XPR1: variants seen among roughly 807,000 people sequenced by gnomAD.
XPR1 encodes xenotropic and polytropic retrovirus receptor 1, also known as solute carrier family 53 member 1.
XPR1 carries 28 observed loss-of-function variants against 87.5 expected under a neutral mutation model. That is an observed-to-expected ratio of 0.32 (90% CI 0.24 to 0.44). The LOEUF (loss-of-function observed/expected upper bound fraction) is 0.44, where lower values mean the gene tolerates loss of function less well. XPR1 is among the 20% of genes least tolerant of loss of function. The pLI, the probability that XPR1 is intolerant of heterozygous loss-of-function variation, is 1.00. For missense variants in XPR1, 559 were observed against 862.3 expected, an observed-to-expected ratio of 0.65 and a Z score of 4.41; for synonymous variants, 300 against 306.1, an observed-to-expected ratio of 0.98 and a Z score of 0.21.
At chr1:180,634,417 G>C (rs1654696475) in intron 1 of XPR1, among the ~76,000 whole-genome samples, 1 of 152,128 alleles carries the variant, frequency 6.6e-6, no homozygotes, top group Non-Finnish European at 1.5e-5. Flanking sequence ...ATCTTGTTTT[G>C]TGTGTTGTTT....
intron 1 of XPR1, among the ~76,000 whole-genome samples, chr1:180,670,110 A>C (rs923215272): frequency 6.6e-6 from 1 of 151,882 alleles, no homozygotes; most frequent in South Asian, 2.1e-4. Flanking sequence ...TTTCACTTTC[A>C]ATTTGTTTGT....
At chr1:180,814,131 CTATCAA>C (rs1650320245) in intron 7 of XPR1, among the ~76,000 whole-genome samples, 1 of 152,146 alleles carries the variant, frequency 6.6e-6, no homozygotes, top group African/African-American at 2.4e-5. Flanking sequence ...CTGCTTAAGA[CTATCAA>C]TTGTATATTA....
At chr1:180,682,268 T>C (rs1157598584) in intron 1 of XPR1, 92 bp from the exon 2 acceptor site, 3 of 950,828 alleles carry the variant, frequency 3.2e-6, no homozygotes, top group Admixed American at 2.6e-5. Flanking sequence ...TGAGTGGTCA[T>C]TGAATATTGA....
At position 180,885,536 on chromosome 1, in the gene XPR1, TATTGAATATGGTTGGCATTA is replaced by T. The variant is rs1652984161; in HGVS notation, c.*1472_*1491del. 1 of 152,246 alleles carries T rather than the reference TATTGAATATGGTTGGCATTA, an allele frequency of 6.6e-6. No homozygotes were observed. The highest frequency in any genetic ancestry group is 1.9e-4 in the East Asian group (1 of 5,204). 9.4% of individuals were successfully genotyped at this position (152,246 alleles called of 1,614,324 possible). A position where few individuals can be genotyped will look rare whatever the true frequency, so the allele number is the denominator to read the frequency against. ...CTGAAAACCATAAGAGATATTACTTTATTGAATATGGTTGGCATTAAATTTAGCATTTCATTATCTAACAA... is the reference window on the plus strand; with the variant it reads ...CTGAAAACCATAAGAGATATTACTTTAATTTAGCATTTCATTATCTAACAA... On this transcript the variant is annotated 3_prime_UTR_variant, in exon 15 of 15. Coordinates refer to ENST00000367590, the MANE Select transcript of XPR1 (RefSeq NM_004736.4).
intron 1 of XPR1, among the ~76,000 whole-genome samples, chr1:180,640,796 A>G (rs1417960961): frequency 6.6e-6 from 1 of 152,232 alleles, no homozygotes; most frequent in African/African-American, 2.4e-5. Flanking sequence ...TAAGGTGATA[A>G]GGGTAAAAAG....
intron 2 of XPR1, among the ~76,000 whole-genome samples, chr1:180,774,877 A>G (rs1648652932): frequency 6.6e-6 from 1 of 152,238 alleles, no homozygotes; most frequent in South Asian, 2.1e-4. Context: ...TGGGAAGTCC[A>G]GGATCAAGGC....
At chr1:180,676,312 A>AT (rs1656368325) in intron 1 of XPR1, among the ~76,000 whole-genome samples, 1 of 152,214 alleles carries the variant, frequency 6.6e-6, no homozygotes, top group South Asian at 2.1e-4. Flanking sequence ...TGACAGCATT[A>AT]TTTAATTTTG....
chr1:180,863,759 A>G lies in XPR1; in HGVS notation c.1553A>G (p.Tyr518Cys). ...TTCTTTTACCTGTGGATTGTCTTTT[A>G]TATCATCAGTTCCTGCTATACCCTC... ...MVFFYLWIVF[Y>C]IISSCYTLIW... Residue 518 changes from tyrosine (Y) to cysteine (C), a missense_variant, in exon 12 of 15, where the codon TAT becomes TGT. Physicochemically the swap from Tyr to Cys is radical, Grantham distance 194 (BLOSUM62 -2). This residue lies in a region of XPR1 where 264 missense variants were observed against 377.2 expected (regional missense o/e 0.70). Coordinates refer to ENST00000367590, the MANE Select transcript of XPR1 (RefSeq NM_004736.4). 6.2e-7 allele frequency: 1 copy of G among 1,609,378 alleles called. No individual in the cohort carries two copies. Among genetic ancestry groups the G allele is most frequent in the Admixed American group, 1.7e-5 (1 of 59,034 alleles).
chr1:180,761,310 A>G (rs1366919231), intron 2 of XPR1, among the ~76,000 whole-genome samples: 2 of 152,202 alleles, frequency 1.3e-5, no homozygotes. Flanking sequence ...CAGCAAAAGA[A>G]ACTACCATCA....
At chr1:180,747,092 T>C (rs1647286845) in intron 2 of XPR1, among the ~76,000 whole-genome samples, 1 of 152,206 alleles carries the variant, frequency 6.6e-6, no homozygotes, top group Non-Finnish European at 1.5e-5. Flanking sequence ...ATATTTGAAA[T>C]GGTTAACATA....
chr1:180,774,219 A>T (rs1042371797), intron 2 of XPR1, among the ~76,000 whole-genome samples: 4 of 152,072 alleles, frequency 2.6e-5, no homozygotes, highest in African/African-American at 9.7e-5. Context: ...CTAAGAACTT[A>T]ATTTTCTTTA....
At chr1:180,838,953 T>C (rs1381568479) in intron 11 of XPR1, among the ~76,000 whole-genome samples, 2 of 152,234 alleles carry the variant, frequency 1.3e-5, no homozygotes, top group Non-Finnish European at 2.9e-5. Flanking sequence ...ATTACAAATG[T>C]ATTACACATT....
chr1:180,866,722 T>G (rs1316204612), intron 12 of XPR1, among the ~76,000 whole-genome samples: 3 of 152,148 alleles, frequency 2.0e-5, no homozygotes, highest in African/African-American at 7.2e-5. Context: ...CTCATTAAAT[T>G]TATCATAATC....
rs200254988 is a variant in XPR1 at position 180,760,792 on chromosome 1, G to A, written c.122-26961G>A. ...TTAAAGTTCATATGGAACCAAAAAA[G>A]AGCCCGCATCGCCAAGTCAATCCTA... On this transcript the variant is annotated intron_variant, in intron 2 of 14. Transcript: ENST00000367590. Among the ~76,000 whole-genome samples, 206 of 152,242 alleles carry A rather than the reference G, an allele frequency of 1.4e-3. 1 individual carries two copies. The highest frequency in any genetic ancestry group is 0.01 in the Middle Eastern group (3 of 294).
At chr1:180,817,333 G>C (rs916661368) in intron 7 of XPR1, among the ~76,000 whole-genome samples, 2 of 151,998 alleles carry the variant, frequency 1.3e-5, no homozygotes, top group Non-Finnish European at 2.9e-5. Flanking sequence ...TGTAGCCTAA[G>C]TGTACAATGT....
chr1:180,849,630 T>C (rs1268649256), intron 11 of XPR1, among the ~76,000 whole-genome samples: 2 of 152,216 alleles, frequency 1.3e-5, no homozygotes, highest in East Asian at 3.8e-4. Flanking sequence ...ATTTGAATAC[T>C]ACTTCCTCCT....
intron 3 of XPR1, among the ~76,000 whole-genome samples, chr1:180,794,213 C>CA (rs1649490934): frequency 6.6e-6 from 1 of 152,192 alleles, no homozygotes; most frequent in African/African-American, 2.4e-5. Context: ...TCCTAGGCTA[C>CA]AAAACTGTCC....
At chr1:180,778,153 A>T (rs899825930) in intron 2 of XPR1, among the ~76,000 whole-genome samples, 14 of 151,798 alleles carry the variant, frequency 9.2e-5, no homozygotes, top group Admixed American at 2.0e-4. Flanking sequence ...GCTAATTTTT[A>T]AAAAAATTTT....
chr1:180,726,476 A>G (rs1447679452), intron 2 of XPR1, among the ~76,000 whole-genome samples: 1 of 152,146 alleles, frequency 6.6e-6, no homozygotes, highest in Non-Finnish European at 1.5e-5. Flanking sequence ...CCAAGAACCC[A>G]CTGGAAGGAA....
Sources: gnomAD v4.1 joint callset for allele counts (sites outside exome capture counted in the v4.1 genomes callset) on GRCh38, gnomAD v4.1.1 for gene constraint, gnomAD v4.1.1 regional missense constraint, MANE v1.5 for transcripts, NCBI Gene and HGNC (gene_info 2026-07-23, HGNC 2026-07-21) for gene names.